Variants in TTC28 observed in about 807,000 individuals in gnomAD.
TTC28 encodes the protein tetratricopeptide repeat domain 28.
Under a neutral mutation model 198.0 loss-of-function variants are expected in TTC28, and 61 were observed. That is an observed-to-expected ratio of 0.31 (90% CI 0.25 to 0.38). TTC28 has a LOEUF of 0.38. Ranked by LOEUF, TTC28 falls within the 10% of genes least tolerant of loss-of-function variation. The pLI is 1.00. For missense variants in TTC28, 2,678 were observed against 3,164.0 expected (o/e 0.85, Z 3.69); for synonymous variants, 1,171 against 1,297.8 (o/e 0.90, Z 2.10).
intron 19 of TTC28, among the ~76,000 whole-genome samples, chr22:27,991,357 C>T (rs114021637): frequency 1.1e-4 from 16 of 152,288 alleles, no homozygotes; most frequent in African/African-American, 3.6e-4. Context: ...CGCCTGGGTT[C>T]AGGATGCTTT....
chr22:28,158,115 C>A (rs1315592444), intron 6 of TTC28, among the ~76,000 whole-genome samples: 3 of 151,816 alleles, frequency 2.0e-5, no homozygotes, highest in African/African-American at 7.3e-5. Context: ...TTTCTATATG[C>A]CAACAGTTAA....
At chr22:28,164,857 G>T (rs1044441704) in intron 5 of TTC28, among the ~76,000 whole-genome samples, 2 of 152,140 alleles carry the variant, frequency 1.3e-5, no homozygotes, top group African/African-American at 4.8e-5. Context: ...AGAGAAGAAG[G>T]CTTCAGATGA....
intron 2 of TTC28, among the ~76,000 whole-genome samples, chr22:28,470,398 C>T (rs150568249): frequency 1.3e-4 from 20 of 152,098 alleles, no homozygotes; most frequent in Non-Finnish European, 2.1e-4. Flanking sequence ...TGCTTAAGCC[C>T]ACCAGAGTCT....
At chr22:28,543,876 TA>T (rs1239680581) in intron 2 of TTC28, among the ~76,000 whole-genome samples, 1 of 152,008 alleles carries the variant, frequency 6.6e-6, no homozygotes, top group Non-Finnish European at 1.5e-5. Flanking sequence ...CAACAATATC[TA>T]AAAAAATAAT....
chr22:28,261,685 T>C (rs1022566849), intron 5 of TTC28, among the ~76,000 whole-genome samples: 4 of 152,134 alleles, frequency 2.6e-5, no homozygotes, highest in Non-Finnish European at 4.4e-5. Context: ...CTTAGCACAT[T>C]TGAAGCTCTC....
At chr22:28,589,539 G>A (rs1414816177) in intron 2 of TTC28, among the ~76,000 whole-genome samples, 1 of 152,118 alleles carries the variant, frequency 6.6e-6, no homozygotes, top group Non-Finnish European at 1.5e-5. Flanking sequence ...TGTCTATATT[G>A]ACTGCCCACA....
intron 14 of TTC28, chr22:28,001,850 C>T (rs553372342): frequency 6.0e-5 from 24 of 398,442 alleles, no homozygotes; most frequent in East Asian, 3.2e-4. Context: ...GGTTGGAGAC[C>T]GGTCTGTACC....
chr22:28,504,831 G>A lies in TTC28; in HGVS notation c.381+124721C>T, dbSNP rs148170139. 7.8e-3 allele frequency among the ~76,000 whole-genome samples: 1,189 copies of A among 152,082 alleles called. 10 individuals are homozygous for A. Among genetic ancestry groups the A allele is most frequent in the Non-Finnish European group, 0.012 (805 of 68,006 alleles). ...GTGGGAGTGGGTACAGAGATTTAGC[G>A]GTGAAATAAGACTGTCTATGAGCTA... On this transcript the variant is annotated intron_variant, in intron 2 of 22. Coordinates refer to ENST00000397906, the MANE Select transcript of TTC28 (RefSeq NM_001145418.2).
chr22:28,050,889 T>C (rs1471905559), intron 12 of TTC28, among the ~76,000 whole-genome samples: 1 of 152,196 alleles, frequency 6.6e-6, no homozygotes, highest in Non-Finnish European at 1.5e-5. Flanking sequence ...ATGCATATTC[T>C]AATACAACAT....
At position 28,180,902 on chromosome 22, in the gene TTC28, T is replaced by C. The variant is rs1017749246; in HGVS notation, c.934-17303A>G. ...GCTCAATAGCTGGTGTCGGATTTAC[T>C]ACCATCAATCTAACCAGTTTGTTCC... On this transcript the variant is annotated intron_variant, in intron 5 of 22. Coordinates refer to ENST00000397906, the MANE Select transcript of TTC28 (RefSeq NM_001145418.2). 3.9e-5 allele frequency among the ~76,000 whole-genome samples: 6 copies of C among 152,360 alleles called. 1 individual carries two copies. The highest frequency in any genetic ancestry group is 3.4e-3 in the Middle Eastern group (1 of 294).
chr22:28,636,622 T>C (rs1456449775), intron 1 of TTC28, among the ~76,000 whole-genome samples: 4 of 152,178 alleles, frequency 2.6e-5, no homozygotes, highest in Non-Finnish European at 4.4e-5. Flanking sequence ...GATCCTATGG[T>C]AGTGATGTTG....
At chr22:28,575,776 A>C (rs1473847255) in intron 2 of TTC28, among the ~76,000 whole-genome samples, 2 of 152,044 alleles carry the variant, frequency 1.3e-5, no homozygotes, top group Non-Finnish European at 2.9e-5. Flanking sequence ...ATTGCAAATG[A>C]GATTACTTTT....
intron 2 of TTC28, among the ~76,000 whole-genome samples, chr22:28,352,585 G>T (rs901845314): frequency 7.9e-5 from 12 of 152,130 alleles, no homozygotes; most frequent in Non-Finnish European, 1.5e-5. Context: ...GGAGGACTTA[G>T]AGTCAGTCAT....
chr22:28,549,707 G>C (rs1449083800), intron 2 of TTC28, among the ~76,000 whole-genome samples: 1 of 152,152 alleles, frequency 6.6e-6, no homozygotes, highest in Non-Finnish European at 1.5e-5. Context: ...CTGTAGGTTA[G>C]ATCCCTTTTC....
chr22:28,590,550 C>T (rs1397514822), intron 2 of TTC28, among the ~76,000 whole-genome samples: 2 of 151,692 alleles, frequency 1.3e-5, no homozygotes, highest in Admixed American at 6.6e-5. Flanking sequence ...GCCAGGAGCT[C>T]GAGACCAGCC....
At chr22:28,572,148 A>G (rs944980804) in intron 2 of TTC28, among the ~76,000 whole-genome samples, 6 of 151,556 alleles carry the variant, frequency 4.0e-5, no homozygotes, top group Non-Finnish European at 5.9e-5. Context: ...TGCCTAGCCA[A>G]CATGATGAAA....
chr22:28,445,511 G>A (rs2047688898), intron 2 of TTC28, among the ~76,000 whole-genome samples: 1 of 152,144 alleles, frequency 6.6e-6, no homozygotes, highest in South Asian at 2.1e-4. Context: ...AAAAGCCAAG[G>A]TTCTTACCAT....
intron 1 of TTC28, among the ~76,000 whole-genome samples, chr22:28,665,573 G>T (rs2051814836): frequency 2.5e-5 from 1 of 40,718 alleles, no homozygotes; most frequent in Non-Finnish European, 5.0e-5. Context: ...AATGGTAAAG[G>T]GATCAATTCA....
At chr22:28,675,461 A>G (rs1274338845) in intron 1 of TTC28, among the ~76,000 whole-genome samples, 3 of 152,202 alleles carry the variant, frequency 2.0e-5, no homozygotes, top group South Asian at 2.1e-4. Flanking sequence ...GGACATTATC[A>G]AAAGAGTAAA....
Sources: allele counts gnomAD v4.1 joint callset (sites outside exome capture counted in the v4.1 genomes callset), GRCh38; gene constraint gnomAD v4.1.1; transcripts MANE v1.5; gene names NCBI Gene and HGNC (gene_info 2026-07-23, HGNC 2026-07-21).